The following OPLAH variants were observed in gnomAD, a reference collection of about 807,000 sequenced individuals.
OPLAH encodes the protein 5-oxoprolinase, ATP-hydrolysing, also known as 5-oxoprolinase.
In OPLAH, 103 loss-of-function variants were observed where a neutral mutation model predicts 122.8. The ratio of observed to expected loss-of-function variants is 0.84; its 90% CI spans 0.71 to 0.99. The LOEUF is 0.99. OPLAH is among the 50% of genes least tolerant of loss of function. OPLAH has a pLI of 0.00. For synonymous variants in OPLAH, 875 were observed against 796.0 expected (o/e 1.10, Z -1.67); for missense variants, 1,902 against 1,836.5 (o/e 1.04, Z -0.65).
chr8:144,055,092 C>A lies in OPLAH; in HGVS notation c.2346G>T (p.Leu782=), dbSNP rs370115329. 1.9e-4 allele frequency: 294 copies of A among 1,575,334 alleles called. 1 individual carries two copies. In the African/African-American group the frequency reaches 3.7e-3, roughly 20 times the overall value. Residue 782 remains leucine (L), a synonymous_variant, in exon 17 of 27, where the codon CTG becomes CTT. Transcript: ENST00000618853. The surrounding 1 kb of genome is among the most constrained non-coding windows in gnomAD (Gnocchi z 6.5). ...CAGGGATGTGGGGGGCATTGGACAC[C>A]AGCCCCCCATCGGGCCCAAAGAGGG... is the stretch of plus-strand genomic sequence containing the variant. ...SCALFGPDGG[L]VSNAPHIPVH...
chr8:144,052,498 C>T lies in OPLAH; in HGVS notation c.3254G>A (p.Arg1085His). The part of the protein sequence containing the change: ...VVGGNVLTSQ[R>H]VVDVILGAFG... The stretch of plus-strand genomic sequence containing the variant: ...GGCCCCCAGGATGACATCCACCACG[C>T]GCTGCGACGTGAGCACGTTGCCGCC... The change falls in exon 23 of 27, where the codon CGC becomes CAC. Residue 1085 changes from arginine (R) to histidine (H), a missense_variant. Around this residue, in one of 3 missense-constraint regions of OPLAH, gnomAD observed 1,726 missense variants for 1,642.1 expected, o/e 1.05. Transcript: ENST00000618853. 1 of 1,569,924 alleles carries T rather than the reference C, an allele frequency of 6.4e-7. No individual in the cohort carries two copies.
At chr8:144,056,872 T>C in intron 12 of OPLAH, 76 bp downstream of exon 12, 2 of 1,514,530 alleles carry the variant, frequency 1.3e-6, no homozygotes, top group Non-Finnish European at 8.9e-7. Context: ...ACCTGGGAAG[T>C]CATCAGGAGG....
intron 9 of OPLAH, 35 bp from the exon 10 acceptor site, chr8:144,057,748 G>A (rs1554759697): frequency 6.2e-7 from 1 of 1,610,020 alleles, no homozygotes; most frequent in Admixed American, 1.7e-5. Context: ...CTTGGGGGCT[G>A]GAGGCAGGGG....
chr8:144,054,199 T>C (rs1480181418), intron 19 of OPLAH, among the ~76,000 whole-genome samples: 2 of 151,764 alleles, frequency 1.3e-5, no homozygotes, highest in Admixed American at 1.3e-4. Flanking sequence ...ACAGGGGCCT[T>C]TGGGCCCTGC....
In OPLAH at chr8:144,059,071, G is replaced by A. The variant is rs1554760277; in HGVS notation, c.372C>T (p.Pro124=). ...CCTCTTCATACAGCACCTCAGGCATGGGCACGGCCTGGGGGCGGGCAGAGA... is the reference window on the plus strand; with the variant it reads ...CCTCTTCATACAGCACCTCAGGCATAGGCACGGCCTGGGGGCGGGCAGAGA... ...ARGDLFDLAV[P]MPEVLYEEVL... The change falls in exon 4 of 27, where the codon CCC becomes CCT. Residue 124 remains proline, a synonymous_variant. Transcript: ENST00000618853. 6.3e-7 allele frequency: 1 copy of A among 1,583,252 alleles called. No individual in the cohort carries two copies. The highest frequency in any genetic ancestry group is 2.3e-5 in the East Asian group (1 of 42,962).
At chr8:144,056,055 A>G (rs1835505370) in intron 15 of OPLAH, 92 bp downstream of exon 15, 1 of 1,516,442 alleles carries the variant, frequency 6.6e-7, no homozygotes, top group Non-Finnish European at 8.9e-7. Context: ...AGAGTCCTGC[A>G]GGCCCCTGCA....
At position 144,054,687 on chromosome 8, in the gene OPLAH, C is replaced by T. The variant is rs1554758507; in HGVS notation, c.2560G>A (p.Gly854Arg). Reference protein sequence around the residue: ...TRPVFYVASRGHHADIGGITP... With the variant: ...TRPVFYVASRRHHADIGGITP... ...ATGCCCCCGATGTCTGCGTGGTGCC[C>T]TCGGCTGGCCACATAGAACACAGGC... Residue 854 changes from glycine to arginine, a missense_variant, in exon 19 of 27, where the codon GGG becomes AGG. This residue lies in a region of OPLAH where 1,726 missense variants were observed against 1,642.1 expected (regional missense o/e 1.05). Transcript: ENST00000618853. 2.5e-6 allele frequency: 4 copies of T among 1,612,342 alleles called. No individual in the cohort carries two copies. In the African/African-American group the frequency reaches 4.0e-5, roughly 16 times the overall value.
chr8:144,055,415 A>G lies in OPLAH; in HGVS notation c.2249-226T>C, dbSNP rs73379153. Among the ~76,000 whole-genome samples the G allele has an allele frequency of 0.071, 10,847 of 151,994 alleles. 1,172 individuals are homozygous for G. The highest frequency in any genetic ancestry group is 0.23 in the African/African-American group (9,641 of 41,420). ...TGCCTGGAGCCCCCAGCAAGAACCC[A>G]GTGCCACCCCTCGACCCTCCCACCC... On this transcript the variant is annotated intron_variant, in intron 16 of 26. Coordinates refer to ENST00000618853, the MANE Select transcript of OPLAH (RefSeq NM_017570.5). This position sits in a 1 kb window ranked among gnomAD's most constrained non-coding sequence, Gnocchi z 6.5.
Position 144,052,981 on chromosome 8 carries a change from A to C in OPLAH, c.3018+2T>G. 1 of 1,595,014 alleles carries C rather than the reference A, an allele frequency of 6.3e-7. No individual in the cohort carries two copies. ...CCTAGAGGCACTCTCCCCACGGCCC[A>C]CCTGACTCAGGCTGATCTGCACACG... On this transcript the variant is annotated splice_donor_variant, in intron 21 of 26. Coordinates refer to ENST00000618853, the MANE Select transcript of OPLAH (RefSeq NM_017570.5). LOFTEE classifies it high-confidence loss of function.
downstream of OPLAH, chr8:144,051,248 AC>A: frequency 1.3e-6 from 2 of 1,586,148 alleles, no homozygotes; most frequent in Admixed American, 3.7e-5. Flanking sequence ...GCGCACAGAC[AC>A]GACTCGGAGC....
In OPLAH at chr8:144,058,288, G is replaced by A; in HGVS notation, c.900C>T (p.Thr300=). 1.2e-6 allele frequency: 2 copies of A among 1,610,374 alleles called. No individual in the cohort carries two copies. Among genetic ancestry groups the A allele is most frequent in the Middle Eastern group, 1.7e-4 (1 of 5,992 alleles). Residue 300 remains threonine, a synonymous_variant, in exon 7 of 27, where the codon ACC becomes ACT. Transcript: ENST00000618853. The stretch of plus-strand genomic sequence containing the variant: ...GCTGGCCACCCTCCTGCTGGTAGGT[G>A]GTGGCTGAGTAGCCCACCACGCCGC... ...PAGGVVGYSA[T]TYQQEGGQPV...
At chr8:144,054,972 G>T in intron 17 of OPLAH, 57 bp downstream of exon 17, 3 of 1,076,094 alleles carry the variant, frequency 2.8e-6, no homozygotes, top group African/African-American at 2.2e-5. Flanking sequence ...GAGCGGGGTG[G>T]GGGGGGGGTG....
Position 144,055,786 on chromosome 8 carries a change from A to G in OPLAH, c.2248+2T>C. On this transcript the variant is annotated splice_donor_variant, in intron 16 of 26. Transcript: ENST00000618853. LOFTEE classifies it high-confidence loss of function. This position sits in a 1 kb window ranked among gnomAD's most constrained non-coding sequence, Gnocchi z 6.5. ...ACAGGGAGCCTGGCAGCGGCCACTC[A>G]CCAGCAATGCTCATGAAGCGGTGTG... 6.6e-7 allele frequency: 1 copy of G among 1,520,836 alleles called. No homozygotes were observed. Among genetic ancestry groups the G allele is most frequent in the Non-Finnish European group, 8.9e-7 (1 of 1,129,586 alleles). 94.2% of individuals were successfully genotyped at this position (1,520,836 alleles called of 1,614,324 possible).
In OPLAH at chr8:144,053,013, G is replaced by A; in HGVS notation, c.2988C>T (p.Ile996=). The A allele has an allele frequency of 6.2e-7, 1 of 1,604,018 alleles. No homozygotes were observed. Among genetic ancestry groups the A allele is most frequent in the Non-Finnish European group, 8.5e-7 (1 of 1,176,228 alleles). The part of the protein sequence containing the change: ...SEDHMDDGSP[I]RLRVQISLSQ... Reference sequence around the variant, plus strand: ...TCAGGCTGATCTGCACACGGAGGCGGATGGGGGAACCGTCGTCCATGTGGT... The same window carrying A: ...TCAGGCTGATCTGCACACGGAGGCGAATGGGGGAACCGTCGTCCATGTGGT... The change falls in exon 21 of 27, where the codon ATC becomes ATT. Residue 996 remains isoleucine, a synonymous_variant. Transcript: ENST00000618853.
Position 144,051,721 on chromosome 8 carries a change from G to A in OPLAH, c.3720+8C>T, listed in dbSNP as rs374770909. Reference sequence around the variant, plus strand: ...GGGGAGGGGGACAGGACAGGCCGCGGCCCTTACCCCGGGGTACACGGTCAC... The same window carrying A: ...GGGGAGGGGGACAGGACAGGCCGCGACCCTTACCCCGGGGTACACGGTCAC... On this transcript the variant is annotated splice_region_variant and intron_variant, in intron 26 of 26. Transcript: ENST00000618853. 2,016 of 1,592,084 alleles carry A rather than the reference G, an allele frequency of 1.3e-3. 18 individuals carry two copies. The African/African-American group carries it at 0.023, about 18-fold the overall frequency.
Position 144,058,542 on chromosome 8 carries a change from T to A in OPLAH, c.737A>T (p.Gln246Leu). ...CADAYLTPAI[Q>L]RYVQGFCRGF... is the part of the protein sequence containing the mutation. ...ACGGCAGAAGCCCTGCACGTAGCGC[T>A]GGATGGCGGGCGTGAGGTAGGCGTC... The change falls in exon 6 of 27, where the codon CAG becomes CTG. Residue 246 changes from glutamine (Q) to leucine (L), a missense_variant. This residue lies in a region of OPLAH where 1,726 missense variants were observed against 1,642.1 expected (regional missense o/e 1.05). Transcript: ENST00000618853. The A allele has an allele frequency of 6.3e-7, 1 of 1,598,960 alleles. No homozygotes were observed. Among genetic ancestry groups the A allele is most frequent in the Non-Finnish European group, 8.5e-7 (1 of 1,177,862 alleles).
chr8:144,059,638 C>T lies in OPLAH; in HGVS notation c.324G>A (p.Leu108=). 6.2e-7 allele frequency: 1 copy of T among 1,612,180 alleles called. No individual in the cohort carries two copies. The highest frequency in any genetic ancestry group is 8.5e-7 in the Non-Finnish European group (1 of 1,179,480). Residue 108 remains leucine (L), a synonymous_variant, in exon 3 of 27, where the codon CTG becomes CTA. Coordinates refer to ENST00000618853, the MANE Select transcript of OPLAH (RefSeq NM_017570.5). ...LLVTRGFRDL[L]HIGTQARGDL... ...CCCCACGGGCTTGGGTGCCAATGTG[C>T]AGCAGGTCTCGGAAGCCACGTGTCA...
rs782609142 is a variant in OPLAH at position 144,054,748 on chromosome 8, G to A, written c.2512-13C>T. The A allele has an allele frequency of 5.6e-6, 9 of 1,612,128 alleles. No individual in the cohort carries two copies. Among genetic ancestry groups the A allele is most frequent in the African/African-American group, 2.7e-5 (2 of 75,002 alleles). ...CCGGCCAAAACACCTAGCGGGTGGA[G>A]AGCCACGGTCAGCTGCATCGGCCAC... On this transcript the variant is annotated splice_polypyrimidine_tract_variant and intron_variant, in intron 18 of 26. Transcript: ENST00000618853.
chr8:144,059,801 C>G lies in OPLAH; in HGVS notation c.172-11G>C, dbSNP rs1434402086. On this transcript the variant is annotated splice_polypyrimidine_tract_variant and intron_variant, in intron 2 of 26. Transcript: ENST00000618853. ...GAGCATGCCGGCCTCCTGGGGACCA[C>G]GTGGTCAGTGTGGGGCTTCTGGCCG... 1 of 1,608,760 alleles carries G rather than the reference C, an allele frequency of 6.2e-7. No individual in the cohort carries two copies. The highest frequency in any genetic ancestry group is 1.7e-5 in the Admixed American group (1 of 59,882).
Sources: gnomAD v4.1 joint callset for allele counts (sites outside exome capture counted in the v4.1 genomes callset) on GRCh38, gnomAD v4.1.1 for gene constraint, gnomAD v4.1.1 regional missense constraint, Gnocchi (gnomAD v3.1) non-coding constraint, MANE v1.5 for transcripts, NCBI Gene and HGNC (gene_info 2026-07-23, HGNC 2026-07-21) for gene names.